ARHGAP42: variants seen among roughly 807,000 people sequenced by gnomAD.
ARHGAP42 encodes the protein Rho GTPase activating protein 42, also known as rho GTPase-activating protein 42.
ARHGAP42 carries 63 observed loss-of-function variants against 125.0 expected under a neutral mutation model. The observed-to-expected ratio is 0.50, with a 90% CI of 0.41 to 0.62. The LOEUF (loss-of-function observed/expected upper bound fraction) is 0.62, where lower values mean the gene tolerates loss of function less well. Among genes scored for constraint, ARHGAP42 ranks in the 20% least tolerant of loss-of-function variants. The pLI is 0.00. For missense variants in ARHGAP42, 766 were observed against 1,024.2 expected (o/e 0.75, Z 3.44); for synonymous variants, 339 against 351.0 (o/e 0.97, Z 0.38).
intron 4 of ARHGAP42, among the ~76,000 whole-genome samples, chr11:100,890,913 A>G (rs530580525): frequency 1.3e-5 from 2 of 152,292 alleles, no homozygotes; most frequent in South Asian, 4.1e-4. Context: ...AGTCTTGGGA[A>G]GCTGCCCCTG....
intron 2 of ARHGAP42, among the ~76,000 whole-genome samples, chr11:100,777,388 T>A (rs1364334622): frequency 2.0e-5 from 3 of 152,204 alleles, no homozygotes; most frequent in Non-Finnish European, 4.4e-5. Context: ...ATACCTGATC[T>A]GAGGGTGTCA....
At chr11:100,703,416 G>A (rs1861429984) in intron 1 of ARHGAP42, among the ~76,000 whole-genome samples, 1 of 152,208 alleles carries the variant, frequency 6.6e-6, no homozygotes, top group South Asian at 2.1e-4. Context: ...CTCTTGGCAG[G>A]ATCATTGTAA....
Position 100,936,230 on chromosome 11 carries a change from C to G in ARHGAP42, c.730C>G (p.Gln244Glu), listed in dbSNP as rs1236664750. The stretch of plus-strand genomic sequence containing the variant: ...AAGGAATAATTTTGAAAGTACTCGA[C>G]AAGAGGTAGAGCGGTTGATGCAAAG... ...NTRNNFESTR[Q>E]EVERLMQRMK... is the part of the protein sequence containing the mutation. Residue 244 changes from glutamine (Q) to glutamate (E), a missense_variant, in exon 8 of 24, where the codon CAA becomes GAA. Physicochemically the swap from Gln to Glu is conservative, Grantham distance 29 (BLOSUM62 2). Transcript: ENST00000298815. 1.3e-6 allele frequency: 2 copies of G among 1,551,728 alleles called. No homozygotes were observed. Among genetic ancestry groups the G allele is most frequent in the East Asian group, 4.9e-5 (2 of 40,922 alleles).
At chr11:100,759,096 A>G (rs1430091776) in intron 1 of ARHGAP42, among the ~76,000 whole-genome samples, 1 of 152,160 alleles carries the variant, frequency 6.6e-6, no homozygotes, top group Non-Finnish European at 1.5e-5. Flanking sequence ...TTATAAGGCA[A>G]TGTTGAGATT....
chr11:100,724,151 C>G (rs1480209342), intron 1 of ARHGAP42, among the ~76,000 whole-genome samples: 1 of 152,026 alleles, frequency 6.6e-6, no homozygotes, highest in African/African-American at 2.4e-5. Context: ...GTTCTGTCAG[C>G]CTTGCATACC....
intron 3 of ARHGAP42, among the ~76,000 whole-genome samples, chr11:100,838,458 G>A (rs1864867024): frequency 6.6e-6 from 1 of 151,972 alleles, no homozygotes; most frequent in Admixed American, 6.6e-5. Flanking sequence ...TGTAATACCA[G>A]CACTTTGGGA....
intron 4 of ARHGAP42, among the ~76,000 whole-genome samples, chr11:100,888,283 G>A (rs1246130801): frequency 3.3e-5 from 5 of 151,894 alleles, no homozygotes; most frequent in Non-Finnish European, 2.9e-5. Flanking sequence ...GTATCCCCAG[G>A]CCCTGTAAAA....
intron 4 of ARHGAP42, among the ~76,000 whole-genome samples, chr11:100,909,769 C>T (rs544513913): frequency 6.6e-6 from 1 of 152,284 alleles, no homozygotes; most frequent in East Asian, 1.9e-4. Context: ...TTTCCAGCAT[C>T]ATTTATTGAA....
At chr11:100,889,108 A>G (rs147123880) in intron 4 of ARHGAP42, among the ~76,000 whole-genome samples, 7 of 152,332 alleles carry the variant, frequency 4.6e-5, no homozygotes, top group African/African-American at 1.7e-4. Context: ...CAGCGTGTCG[A>G]CAAAATAAGT....
At chr11:100,773,022 A>G (rs1214933767) in intron 2 of ARHGAP42, among the ~76,000 whole-genome samples, 1 of 152,114 alleles carries the variant, frequency 6.6e-6, no homozygotes, top group African/African-American at 2.4e-5. Context: ...TTTTTAGTAG[A>G]GATGGGGTTT....
At position 100,823,850 on chromosome 11, in the gene ARHGAP42, A is replaced by G; in HGVS notation, c.312+28684A>G. Among the ~76,000 whole-genome samples, 2 of 152,220 alleles carry G rather than the reference A, an allele frequency of 1.3e-5. 1 individual carries two copies. The highest frequency in any genetic ancestry group is 2.9e-5 in the Non-Finnish European group (2 of 68,034). On this transcript the variant is annotated intron_variant, in intron 3 of 23. Transcript: ENST00000298815. ...GCTCTTATGATGATATCATCAGTGA[A>G]AACAAGGCATTGCCTCTAATAAAAA...
In ARHGAP42 at chr11:100,920,061, A is replaced by G. The variant is rs79866043; in HGVS notation, c.487-1433A>G. Among the ~76,000 whole-genome samples, 18 of 152,334 alleles carry G rather than the reference A, an allele frequency of 1.2e-4. No homozygotes were observed. In the East Asian group the frequency reaches 3.3e-3, roughly 28 times the overall value. ...AAGCGATGGTAAGAAGAAAAGAAAC[A>G]TGATTTGTGTGGAATACTGATGTTC... On this transcript the variant is annotated intron_variant, in intron 5 of 23. Transcript: ENST00000298815.
chr11:100,975,975 T>G, intron 19 of ARHGAP42, 82 bp from the exon 20 acceptor site: 2 of 1,413,402 alleles, frequency 1.4e-6, no homozygotes, highest in Non-Finnish European at 1.9e-6. Flanking sequence ...ACATGGTAAG[T>G]TGGAGAACAG....
chr11:100,908,575 T>G (rs1866818997), intron 4 of ARHGAP42, among the ~76,000 whole-genome samples: 1 of 152,210 alleles, frequency 6.6e-6, no homozygotes, highest in African/African-American at 2.4e-5. Context: ...ATGATTTCAT[T>G]CTTCTTTATG....
chr11:100,875,099 CTCTCTCTCTGTGTGTGTGTGTGTG>C (rs1197613487), intron 4 of ARHGAP42, among the ~76,000 whole-genome samples: 5 of 106,718 alleles, frequency 4.7e-5, no homozygotes, highest in African/African-American at 3.5e-5. Flanking sequence ...CTCTCTCTCT[CTCTCTCTCTGTGTGTGTGTGTGTG>C]TGTGTGTGTG....
chr11:100,841,979 G>C (rs1864956158), intron 3 of ARHGAP42, among the ~76,000 whole-genome samples: 1 of 152,128 alleles, frequency 6.6e-6, no homozygotes, highest in African/African-American at 2.4e-5. Flanking sequence ...ACAAGCTCCA[G>C]GAGAGATTTG....
chr11:100,810,675 T>C (rs1281820058), intron 3 of ARHGAP42, among the ~76,000 whole-genome samples: 1 of 152,240 alleles, frequency 6.6e-6, no homozygotes, highest in Non-Finnish European at 1.5e-5. Context: ...TTTAATTCTA[T>C]TCACTTTACA....
chr11:100,879,359 A>T (rs1304968571), intron 4 of ARHGAP42, among the ~76,000 whole-genome samples: 1 of 152,044 alleles, frequency 6.6e-6, no homozygotes, highest in Non-Finnish European at 1.5e-5. Flanking sequence ...ATAATCTGTC[A>T]CCCCGTCTGT....
At chr11:100,927,922 T>C (rs966632992) in intron 6 of ARHGAP42, among the ~76,000 whole-genome samples, 1 of 152,242 alleles carries the variant, frequency 6.6e-6, no homozygotes, top group Non-Finnish European at 1.5e-5. Flanking sequence ...CTGGCCACTT[T>C]CCATTCTTGG....
Sources: gnomAD v4.1 joint callset for allele counts (sites outside exome capture counted in the v4.1 genomes callset) on GRCh38, gnomAD v4.1.1 for gene constraint, MANE v1.5 for transcripts, NCBI Gene and HGNC (gene_info 2026-07-23, HGNC 2026-07-21) for gene names.